Variants in SHLD2 observed in about 807,000 individuals in gnomAD.
SHLD2 encodes shieldin complex subunit 2.
A neutral mutation model predicts 73.2 loss-of-function variants in SHLD2; 30 were observed. That is an observed-to-expected ratio of 0.41 (90% CI 0.31 to 0.56). The LOEUF is 0.56. Ranked by LOEUF, SHLD2 falls within the 20% of genes least tolerant of loss-of-function variation. The pLI, the probability that SHLD2 is intolerant of heterozygous loss-of-function variation, is 0.28. For synonymous variants in SHLD2, 285 were observed against 370.1 expected (o/e 0.77, Z 2.64); for missense variants, 745 against 1,055.9 (o/e 0.71, Z 4.08).
At chr10:87,179,751 A>C (rs1848189739) in intron 7 of SHLD2, among the ~76,000 whole-genome samples, 1 of 152,168 alleles carries the variant, frequency 6.6e-6, no homozygotes, top group Non-Finnish European at 1.5e-5. Context: ...GGGCAAGGAG[A>C]GAGGACATGT....
At chr10:87,109,291 C>T (rs28575853) in intron 2 of SHLD2, among the ~76,000 whole-genome samples, 4,499 of 151,754 alleles carry the variant, frequency 0.03, 240 homozygotes, top group African/African-American at 0.1. Context: ...CTTACCCTTC[C>T]GCAAATAAGA....
At chr10:87,164,650 T>C (rs186794592) in intron 4 of SHLD2, among the ~76,000 whole-genome samples, 4,751 of 152,054 alleles carry the variant, frequency 0.031, 130 homozygotes, top group Non-Finnish European at 0.04. Flanking sequence ...AGTCTAGTGG[T>C]GCCAGACAAG....
At chr10:87,094,894 G>A (rs1367071098), upstream of SHLD2, 2 of 641,522 alleles carry the variant, frequency 3.1e-6, no homozygotes, top group Admixed American at 5.3e-5. This position sits in a 1 kb window ranked among gnomAD's most constrained non-coding sequence, Gnocchi z 6.6. Flanking sequence ...CTGCTTGCCC[G>A]GCTGTCCCCT....
chr10:87,127,175 T>C lies in SHLD2; in HGVS notation c.-5-24175T>C, dbSNP rs571285829. 1.5e-4 allele frequency among the ~76,000 whole-genome samples: 23 copies of C among 151,956 alleles called. No homozygotes were observed. In the South Asian group the frequency reaches 4.6e-3, roughly 30 times the overall value. ...AACTTTATTTCATAATTTTATTTCT[T>C]TGAGGAAACGTTTCACAAGTTTTAT... On this transcript the variant is annotated intron_variant, in intron 2 of 9. Transcript: ENST00000298786.
At chr10:87,149,069 G>A (rs1436691179) in intron 2 of SHLD2, among the ~76,000 whole-genome samples, 7 of 151,372 alleles carry the variant, frequency 4.6e-5, no homozygotes. Context: ...TGTGTTTTTA[G>A]TAGAGATGAA....
chr10:87,130,307 G>C (rs947570406), intron 2 of SHLD2, among the ~76,000 whole-genome samples: 62 of 143,466 alleles, frequency 4.3e-4, no homozygotes, highest in African/African-American at 1.5e-3. Context: ...TTAATTTCCT[G>C]TCTGGTGGGA....
intron 2 of SHLD2, among the ~76,000 whole-genome samples, chr10:87,101,887 C>T (rs889827789): frequency 1.6e-4 from 24 of 152,326 alleles, no homozygotes; most frequent in African/African-American, 5.5e-4. Context: ...GCACTCCAGC[C>T]TGGGCGACAG....
chr10:87,116,597 A>C (rs1269483235), intron 2 of SHLD2, among the ~76,000 whole-genome samples: 2 of 81,950 alleles, frequency 2.4e-5, no homozygotes, highest in Admixed American at 1.4e-4. Flanking sequence ...AAGGTCATCC[A>C]CTGAGATAGT....
chr10:87,106,073 G>T (rs774750985), intron 2 of SHLD2, among the ~76,000 whole-genome samples: 1 of 152,062 alleles, frequency 6.6e-6, no homozygotes, highest in Non-Finnish European at 1.5e-5. Flanking sequence ...GTGGGATCTC[G>T]GCTCACTGGA....
At chr10:87,101,580 T>G (rs1842268760) in intron 2 of SHLD2, among the ~76,000 whole-genome samples, 4 of 152,194 alleles carry the variant, frequency 2.6e-5, no homozygotes, top group Admixed American at 2.6e-4. Context: ...TTTCTTAACT[T>G]CATTTTTAGA....
At position 87,111,988 on chromosome 10, in the gene SHLD2, A is replaced by G. The variant is rs1277074263; in HGVS notation, c.-6+14999A>G. 6.6e-5 allele frequency among the ~76,000 whole-genome samples: 10 copies of G among 151,990 alleles called. No individual in the cohort carries two copies. The East Asian group carries it at 1.9e-3, about 30-fold the overall frequency. ...TGCGGTAGCTCACGCCTGTAATCCC[A>G]GCACTTTGGGAGGCCAAGGTGGGCG... On this transcript the variant is annotated intron_variant, in intron 2 of 9. Transcript: ENST00000298786.
At chr10:87,101,979 A>G (rs141772055) in intron 2 of SHLD2, among the ~76,000 whole-genome samples, 31 of 152,280 alleles carry the variant, frequency 2.0e-4, no homozygotes, top group Non-Finnish European at 3.5e-4. Flanking sequence ...ATGATTTTCT[A>G]TATGCAAGAT....
chr10:87,154,117 C>G (rs531352191), intron 3 of SHLD2: 1 of 152,304 alleles, frequency 6.6e-6, no homozygotes, highest in Non-Finnish European at 1.5e-5. Context: ...CGCAGCCTCC[C>G]GAAGTGCTAG....
At chr10:87,121,779 T>TG (rs971996515) in intron 2 of SHLD2, among the ~76,000 whole-genome samples, 9 of 150,420 alleles carry the variant, frequency 6.0e-5, no homozygotes, top group African/African-American at 2.2e-4. Context: ...TTTTTTTTTT[T>TG]TAATTGAGAT....
intron 6 of SHLD2, among the ~76,000 whole-genome samples, chr10:87,174,716 T>C (rs912518374): frequency 2.6e-5 from 4 of 152,168 alleles, no homozygotes; most frequent in Non-Finnish European, 4.4e-5. Flanking sequence ...TGTTTTATTA[T>C]AGTTTTGAAG....
rs563855852 is a variant in SHLD2 at position 87,135,368 on chromosome 10, A to G, written c.-5-15982A>G. The stretch of plus-strand genomic sequence containing the variant: ...ATCTCTTGTTTTTGATAACTTTGAC[A>G]GTTTTGAGGAGTATTGTTCAGGTAT... On this transcript the variant is annotated intron_variant, in intron 2 of 9. Transcript: ENST00000298786. 5.9e-5 allele frequency among the ~76,000 whole-genome samples: 9 copies of G among 152,168 alleles called. 1 individual carries two copies. The highest frequency in any genetic ancestry group is 2.2e-4 in the African/African-American group (9 of 41,508).
chr10:87,100,322 A>T (rs1283239757), intron 2 of SHLD2, among the ~76,000 whole-genome samples: 1 of 152,180 alleles, frequency 6.6e-6, no homozygotes, highest in Non-Finnish European at 1.5e-5. Flanking sequence ...GTGGCTATCC[A>T]GTTCATTTGC....
At chr10:87,136,116 G>A (rs1844780751) in intron 2 of SHLD2, among the ~76,000 whole-genome samples, 1 of 151,692 alleles carries the variant, frequency 6.6e-6, no homozygotes, top group Admixed American at 6.6e-5. Flanking sequence ...TTAAATATTA[G>A]TATGGACTTA....
At chr10:87,094,623 G>A (rs1841671965), upstream of SHLD2, 1 of 1,609,844 alleles carries the variant, frequency 6.2e-7, no homozygotes, top group African/African-American at 1.3e-5. The surrounding 1 kb of genome is among the most constrained non-coding windows in gnomAD (Gnocchi z 6.6). Context: ...AGTGGCGCCG[G>A]GCGGCCAATG....
Sources: allele counts gnomAD v4.1 joint callset (sites outside exome capture counted in the v4.1 genomes callset), GRCh38; gene constraint gnomAD v4.1.1; non-coding constraint Gnocchi (gnomAD v3.1); transcripts MANE v1.5; gene names NCBI Gene and HGNC (gene_info 2026-07-23, HGNC 2026-07-21).